PATJ: variants seen among roughly 807,000 people sequenced by gnomAD.
PATJ encodes the protein inaD-like protein.
PATJ carries 190 observed loss-of-function variants against 224.9 expected under a neutral mutation model. The observed-to-expected ratio is 0.84, with a 90% CI of 0.75 to 0.95. PATJ has a LOEUF of 0.95. Ranked by LOEUF, PATJ falls within the 40% of genes least tolerant of loss-of-function variation. The probability of loss-of-function intolerance (pLI) is 0.00; values close to 1 mark genes in which losing one functional copy is unlikely to be tolerated. For synonymous variants in PATJ, 769 were observed against 820.3 expected, an observed-to-expected ratio of 0.94 and a Z score of 1.07; for missense variants, 2,121 against 2,270.3, an observed-to-expected ratio of 0.93 and a Z score of 1.34.
intron 20 of PATJ, among the ~76,000 whole-genome samples, chr1:61,866,882 G>A (rs1363307440): frequency 1.3e-5 from 2 of 152,194 alleles, no homozygotes; most frequent in Non-Finnish European, 2.9e-5. Context: ...TTGATTATAT[G>A]CTAAATAAGG....
intron 24 of PATJ, among the ~76,000 whole-genome samples, chr1:61,904,117 A>T (rs1557852630): frequency 6.6e-6 from 1 of 151,852 alleles, no homozygotes. Context: ...CATTCTTTTC[A>T]TTTAGTTTTA....
chr1:62,157,096 G>C (rs1034608874), intron 43 of PATJ, among the ~76,000 whole-genome samples: 1 of 152,138 alleles, frequency 6.6e-6, no homozygotes, highest in Non-Finnish European at 1.5e-5. Context: ...GACAGAGGCA[G>C]GCAGATCACG....
At chr1:61,912,735 G>A (rs2149223036) in intron 25 of PATJ, among the ~76,000 whole-genome samples, 1 of 151,094 alleles carries the variant, frequency 6.6e-6, no homozygotes, top group African/African-American at 2.4e-5. Flanking sequence ...GGGGAGGGAA[G>A]GCAGCGTAAA....
At chr1:62,123,140 A>T (rs2148923876) in intron 39 of PATJ, 82 bp downstream of exon 39, 1 of 967,146 alleles carries the variant, frequency 1.0e-6, no homozygotes, top group Middle Eastern at 2.2e-4. Context: ...AATACAGTTT[A>T]TTGGATTGTG....
chr1:61,770,461 A>G (rs1646534482), intron 5 of PATJ, among the ~76,000 whole-genome samples: 1 of 152,212 alleles, frequency 6.6e-6, no homozygotes, highest in Admixed American at 6.5e-5. Flanking sequence ...AAATTTACTA[A>G]GTACTTTAAA....
chr1:61,804,665 G>A lies in PATJ; in HGVS notation c.1550-783G>A, dbSNP rs1467393014. 2.0e-5 allele frequency among the ~76,000 whole-genome samples: 3 copies of A among 152,140 alleles called. No individual in the cohort carries two copies. In the East Asian group the frequency reaches 5.8e-4, roughly 29 times the overall value. On this transcript the variant is annotated intron_variant, in intron 12 of 43. Transcript: ENST00000642238. ...GGTATAAGGTATAACTTCAGTTTTA[G>A]TACTTTGACTTTTGCCTGTTAGACA...
chr1:62,027,628 C>CTT (rs57019359), intron 29 of PATJ, among the ~76,000 whole-genome samples: 2,288 of 109,702 alleles, frequency 0.021, 67 homozygotes, highest in African/African-American at 0.069. Flanking sequence ...GCCAACATTC[C>CTT]TTTTTTTTTT....
intron 32 of PATJ, 91 bp from the exon 33 acceptor site, chr1:62,084,424 C>G: frequency 7.4e-7 from 1 of 1,359,746 alleles, no homozygotes. Flanking sequence ...GTGATAAACA[C>G]ATGCAAGCCC....
chr1:61,984,350 G>T (rs1004985033), intron 27 of PATJ, among the ~76,000 whole-genome samples: 1 of 151,546 alleles, frequency 6.6e-6, no homozygotes, highest in South Asian at 2.1e-4. Flanking sequence ...AATAGAGACA[G>T]GGTTTCACTA....
At chr1:61,984,620 G>T in intron 27 of PATJ, among the ~76,000 whole-genome samples, 1 of 152,036 alleles carries the variant, frequency 6.6e-6, no homozygotes, top group East Asian at 1.9e-4. Flanking sequence ...AATAAAGTCA[G>T]AACAAGATAG....
At chr1:61,821,043 CTTT>C (rs113639554) in intron 14 of PATJ, among the ~76,000 whole-genome samples, 2 of 143,264 alleles carry the variant, frequency 1.4e-5, no homozygotes, top group Non-Finnish European at 1.5e-5. Flanking sequence ...GAAAAACTAT[CTTT>C]TTTTTTTTTT....
chr1:62,057,818 C>T (rs918663357), intron 31 of PATJ, among the ~76,000 whole-genome samples: 1 of 152,164 alleles, frequency 6.6e-6, no homozygotes, highest in Non-Finnish European at 1.5e-5. Flanking sequence ...TTCAGAACAA[C>T]CATAATCCCA....
At chr1:62,016,098 T>C (rs1451916470) in intron 28 of PATJ, among the ~76,000 whole-genome samples, 1 of 152,142 alleles carries the variant, frequency 6.6e-6, no homozygotes, top group Non-Finnish European at 1.5e-5. Flanking sequence ...GTGAGATTGA[T>C]GATCTTGGTG....
rs1645321357 is a variant in PATJ, at chr1:61,751,443, A to C, written c.-36+8888A>C. On this transcript the variant is annotated intron_variant, in intron 1 of 43. Transcript: ENST00000642238. Reference sequence around the variant, plus strand: ...GGTCTTTTTAGTGGGGACTGGCTACATGATCAGAGACCTCTAAGTGTGAAA... The same window carrying C: ...GGTCTTTTTAGTGGGGACTGGCTACCTGATCAGAGACCTCTAAGTGTGAAA... 2.0e-5 allele frequency among the ~76,000 whole-genome samples: 3 copies of C among 152,142 alleles called. No homozygotes were observed. In the South Asian group the frequency reaches 6.2e-4, roughly 32 times the overall value.
At chr1:61,943,961 TG>T (rs1678252990) in intron 27 of PATJ, among the ~76,000 whole-genome samples, 1 of 152,170 alleles carries the variant, frequency 6.6e-6, no homozygotes, top group South Asian at 2.1e-4. Context: ...AAACAGGGTC[TG>T]GAGTGGACCC....
chr1:61,843,719 CA>C (rs60980933), intron 17 of PATJ, among the ~76,000 whole-genome samples: 2,122 of 109,828 alleles, frequency 0.019, 19 homozygotes, highest in African/African-American at 0.04. Context: ...GATCAGGTCT[CA>C]AAAAAAAAAA....
rs1426795214 is a variant in PATJ, at chr1:61,901,316, G to A, written c.3238G>A (p.Gly1080Arg). The A allele has an allele frequency of 3.2e-6, 5 of 1,552,932 alleles. No individual in the cohort carries two copies. The highest frequency in any genetic ancestry group is 4.3e-6 in the Non-Finnish European group (5 of 1,159,754). ...TTTTAGAGAACCCAATGTGTCTCTTGGGATCAGTATTGTTGGTGGACAAAC... is the reference window on the plus strand; with the variant it reads ...TTTTAGAGAACCCAATGTGTCTCTTAGGATCAGTATTGTTGGTGGACAAAC... ...EIFREPNVSL[G>R]ISIVGGQTVI... Residue 1080 changes from glycine (G) to arginine (R), a missense_variant, in exon 24 of 44, where the codon GGG becomes AGG. Gly to Arg is a moderately radical substitution (Grantham distance 125). Coordinates refer to ENST00000642238, the MANE Select transcript of PATJ (RefSeq NM_001350145.3).
chr1:61,880,378 A>G (rs1309913695), intron 21 of PATJ, among the ~76,000 whole-genome samples: 2 of 152,210 alleles, frequency 1.3e-5, no homozygotes, highest in Non-Finnish European at 2.9e-5. Context: ...CAGCCACAGA[A>G]TGTTGGATAC....
At chr1:61,974,516 C>T (rs554100900) in intron 27 of PATJ, among the ~76,000 whole-genome samples, 15 of 147,952 alleles carry the variant, frequency 1.0e-4, no homozygotes, top group African/African-American at 3.5e-4. Context: ...CAGGTTCAAG[C>T]GATTCTCCTG....
Sources: allele counts gnomAD v4.1 joint callset (sites outside exome capture counted in the v4.1 genomes callset), GRCh38; gene constraint gnomAD v4.1.1; transcripts MANE v1.5; gene names NCBI Gene and HGNC (gene_info 2026-07-23, HGNC 2026-07-21).